Variants in NELL2 observed in about 807,000 individuals in gnomAD.
NELL2 encodes neural EGFL like 2, also known as protein kinase C-binding protein NELL2.
A neutral mutation model predicts 109.6 loss-of-function variants in NELL2; 41 were observed. The observed-to-expected ratio is 0.37, with a 90% CI of 0.29 to 0.49. The LOEUF is 0.49. NELL2 is among the 20% of genes least tolerant of loss of function. The pLI is 0.98. For missense variants in NELL2, 900 were observed against 1,008.3 expected, an observed-to-expected ratio of 0.89 and a Z score of 1.45; for synonymous variants, 355 against 344.7, an observed-to-expected ratio of 1.03 and a Z score of -0.33.
chr12:44,875,560 A>C, intron 1 of NELL2: 1 of 1,611,590 alleles, frequency 6.2e-7, no homozygotes, highest in Non-Finnish European at 8.5e-7. Flanking sequence ...CGTTTCCATG[A>C]CCTCCTTTAA....
intron 13 of NELL2, among the ~76,000 whole-genome samples, chr12:44,650,967 CG>C (rs1263510563): frequency 2.0e-5 from 3 of 152,304 alleles, no homozygotes; most frequent in African/African-American, 7.2e-5. Flanking sequence ...AGGCCTGGGC[CG>C]TGGACTGGTA....
intron 10 of NELL2, among the ~76,000 whole-genome samples, chr12:44,714,096 A>G (rs1938357126): frequency 6.6e-6 from 1 of 151,988 alleles, no homozygotes; most frequent in African/African-American, 2.4e-5. Flanking sequence ...TAGTTTTTCA[A>G]TTAGTAGGTC....
At chr12:44,776,385 A>T (rs1014876911) in intron 7 of NELL2, among the ~76,000 whole-genome samples, 1 of 152,232 alleles carries the variant, frequency 6.6e-6, no homozygotes, top group Non-Finnish European at 1.5e-5. Context: ...AACATAATTT[A>T]TAAGACATAA....
At position 44,876,234 on chromosome 12, in the gene NELL2, C is replaced by A; in HGVS notation, c.-365G>T. On this transcript the variant is annotated 5_prime_UTR_variant, in exon 1 of 20. Coordinates refer to ENST00000429094, the MANE Select transcript of NELL2 (RefSeq NM_001145108.2). ...CGCACACCCGGTAGAAGGGGGGCGG[C>A]CCCAAGAAAGCCCGGGCTGGGGCGG... 1 of 1,171,406 alleles carries A rather than the reference C, an allele frequency of 8.5e-7. No individual in the cohort carries two copies. The highest frequency in any genetic ancestry group is 4.5e-5 in the East Asian group (1 of 22,282). The allele number at this position is 1,171,406 out of a possible 1,614,324, so 72.6% of individuals were successfully genotyped here.
intron 16 of NELL2, 93 bp from the exon 17 acceptor site, chr12:44,523,577 T>C: frequency 9.8e-7 from 1 of 1,021,012 alleles, no homozygotes; most frequent in Non-Finnish European, 1.5e-6. Flanking sequence ...ACATAAGGTA[T>C]TCAACTGTAA....
At chr12:44,709,862 A>C (rs868184001) in intron 11 of NELL2, among the ~76,000 whole-genome samples, 2 of 152,220 alleles carry the variant, frequency 1.3e-5, no homozygotes, top group African/African-American at 4.8e-5. Flanking sequence ...ACTGAATCCA[A>C]AGAGCATTCT....
intron 2 of NELL2, 98 bp downstream of exon 2, chr12:44,875,127 C>T: frequency 6.8e-7 from 1 of 1,468,434 alleles, no homozygotes; most frequent in Non-Finnish European, 9.2e-7. Context: ...GTACTGTCAT[C>T]CATGAGGCAA....
chr12:44,910,902 G>A (rs1220566457), intron 1 of NELL2, among the ~76,000 whole-genome samples: 1 of 151,948 alleles, frequency 6.6e-6, no homozygotes, highest in Non-Finnish European at 1.5e-5. Flanking sequence ...TGCAGGAACA[G>A]AAAACCAAAT....
Position 44,552,354 on chromosome 12 carries a change from C to T in NELL2, c.1664-19633G>A, listed in dbSNP as rs559118787. On this transcript the variant is annotated intron_variant, in intron 15 of 19. Transcript: ENST00000429094. ...TAAAGATGATACTAAAATTAAAGTC[C>T]TATAATCATCTTTTAGAAGGGTTTC... 3.9e-5 allele frequency among the ~76,000 whole-genome samples: 6 copies of T among 152,170 alleles called. No homozygotes were observed. The South Asian group carries it at 1.2e-3, about 32-fold the overall frequency.
chr12:44,511,906 CA>C (rs773975625), intron 19 of NELL2, among the ~76,000 whole-genome samples: 4 of 152,096 alleles, frequency 2.6e-5, no homozygotes, highest in Non-Finnish European at 5.9e-5. Flanking sequence ...ACAAATGCTT[CA>C]GGACACAGGT....
chr12:44,562,712 G>A (rs1208997325), intron 15 of NELL2, among the ~76,000 whole-genome samples: 1 of 152,236 alleles, frequency 6.6e-6, no homozygotes, highest in Non-Finnish European at 1.5e-5. Context: ...CTTTTACACT[G>A]TTGGTGGGAG....
At chr12:44,553,551 T>C (rs559771276) in intron 15 of NELL2, among the ~76,000 whole-genome samples, 2 of 152,104 alleles carry the variant, frequency 1.3e-5, no homozygotes, top group South Asian at 4.1e-4. Flanking sequence ...GCAGTAAATT[T>C]TAAAAAGGTC....
chr12:44,578,192 T>A (rs982236274), intron 15 of NELL2, among the ~76,000 whole-genome samples: 1 of 152,112 alleles, frequency 6.6e-6, no homozygotes, highest in East Asian at 1.9e-4. Context: ...AACAATTATT[T>A]TTTTTTTTAC....
At chr12:44,621,968 A>T (rs1450560989) in intron 13 of NELL2, among the ~76,000 whole-genome samples, 1 of 152,010 alleles carries the variant, frequency 6.6e-6, no homozygotes, top group African/African-American at 2.4e-5. Flanking sequence ...GCTGTCAGGG[A>T]TTGTTAATTC....
intron 19 of NELL2, among the ~76,000 whole-genome samples, chr12:44,517,019 TTTAA>T (rs1941297609): frequency 6.6e-6 from 1 of 151,206 alleles, no homozygotes; most frequent in Non-Finnish European, 1.5e-5. Context: ...TTGATAAATA[TTTAA>T]TTATATTTTC....
chr12:44,598,677 C>G (rs888559223), intron 15 of NELL2, among the ~76,000 whole-genome samples: 2 of 152,062 alleles, frequency 1.3e-5, no homozygotes, highest in Non-Finnish European at 2.9e-5. Flanking sequence ...AAACTTATAA[C>G]TGACCTCATT....
At chr12:44,613,118 T>A (rs1028831018) in intron 13 of NELL2, among the ~76,000 whole-genome samples, 2 of 152,030 alleles carry the variant, frequency 1.3e-5, no homozygotes, top group African/African-American at 4.8e-5. Context: ...CACTTACCAT[T>A]TTTAAACATT....
intron 19 of NELL2, among the ~76,000 whole-genome samples, chr12:44,514,194 A>G (rs1344463712): frequency 1.3e-5 from 2 of 151,936 alleles, no homozygotes; most frequent in Non-Finnish European, 2.9e-5. Flanking sequence ...CTTCAAATAT[A>G]AAGACACTTT....
chr12:44,914,992 G>A (rs974310466), upstream of NELL2, among the ~76,000 whole-genome samples: 7 of 151,568 alleles, frequency 4.6e-5, no homozygotes, highest in African/African-American at 1.7e-4. Context: ...TGGGACTACA[G>A]GCACTCGCCA....
Sources: gnomAD v4.1 joint callset for allele counts (sites outside exome capture counted in the v4.1 genomes callset) on GRCh38, gnomAD v4.1.1 for gene constraint, MANE v1.5 for transcripts, NCBI Gene and HGNC (gene_info 2026-07-23, HGNC 2026-07-21) for gene names.